The following ME3 variants were observed in gnomAD, a reference collection of about 807,000 sequenced individuals.
The protein encoded by ME3 is NADP-dependent malic enzyme, mitochondrial.
ME3 carries 48 observed loss-of-function variants against 68.9 expected under a neutral mutation model. The observed-to-expected ratio is 0.70, with a 90% CI of 0.55 to 0.89. ME3 has a LOEUF of 0.89. Ranked by LOEUF, ME3 falls within the 40% of genes least tolerant of loss-of-function variation. ME3 has a pLI of 0.00. For missense variants in ME3, 675 were observed against 797.4 expected (o/e 0.85, Z 1.85); for synonymous variants, 320 against 318.8 (o/e 1.00, Z -0.04).
At chr11:86,509,398 TCA>T (rs3045014) in intron 4 of ME3, among the ~76,000 whole-genome samples, 9,313 of 144,580 alleles carry the variant, frequency 0.064, 333 homozygotes, top group African/African-American at 0.096. Flanking sequence ...TACTCCATCA[TCA>T]CACACACACA....
intron 2 of ME3, among the ~76,000 whole-genome samples, chr11:86,577,245 T>C (rs7950878): frequency 0.13 from 19,493 of 152,056 alleles, 1,906 homozygotes; most frequent in African/African-American, 0.27. Context: ...ATTGCACAGA[T>C]AGGGGATCAG....
At chr11:86,598,876 C>T (rs1960066269) in intron 2 of ME3, among the ~76,000 whole-genome samples, 1 of 152,186 alleles carries the variant, frequency 6.6e-6, no homozygotes, top group Non-Finnish European at 1.5e-5. Context: ...TCCAACAGAC[C>T]TGCAGGTGAG....
At chr11:86,639,179 G>C (rs1944521960) in intron 2 of ME3, among the ~76,000 whole-genome samples, 1 of 152,138 alleles carries the variant, frequency 6.6e-6, no homozygotes, top group Admixed American at 6.5e-5. Context: ...TGTTATTATT[G>C]TTGTTTTAAT....
At chr11:86,518,031 G>A (rs1565888849) in intron 4 of ME3, among the ~76,000 whole-genome samples, 3 of 152,110 alleles carry the variant, frequency 2.0e-5, no homozygotes, top group East Asian at 1.9e-4. Flanking sequence ...CTCCAAAAGC[G>A]GTAGCTGATA....
At chr11:86,570,059 G>A (rs1467086899) in intron 2 of ME3, among the ~76,000 whole-genome samples, 1 of 152,190 alleles carries the variant, frequency 6.6e-6, no homozygotes, top group Non-Finnish European at 1.5e-5. Context: ...GCAAACAGGT[G>A]TGCCTGCACT....
intron 7 of ME3, among the ~76,000 whole-genome samples, chr11:86,473,507 T>C (rs1950896081): frequency 6.6e-6 from 1 of 151,858 alleles, no homozygotes; most frequent in South Asian, 2.1e-4. Context: ...ATGGGAGGTA[T>C]ACATATGAGA....
chr11:86,524,290 T>C (rs1317816275), intron 4 of ME3, among the ~76,000 whole-genome samples: 1 of 152,266 alleles, frequency 6.6e-6, no homozygotes, highest in Non-Finnish European at 1.5e-5. Flanking sequence ...CTGAAATTAC[T>C]GTCCCCCTGA....
At chr11:86,558,548 G>A (rs775607687) in intron 3 of ME3, among the ~76,000 whole-genome samples, 29 of 152,084 alleles carry the variant, frequency 1.9e-4, no homozygotes, top group Non-Finnish European at 2.5e-4. Context: ...ATGAGTGCAG[G>A]GTGACCCTGG....
chr11:86,604,464 G>T (rs1430873043), intron 2 of ME3, among the ~76,000 whole-genome samples: 1 of 152,112 alleles, frequency 6.6e-6, no homozygotes, highest in Non-Finnish European at 1.5e-5. Context: ...AGAACAAAAA[G>T]ATTCCCTCCA....
intron 2 of ME3, among the ~76,000 whole-genome samples, chr11:86,582,281 G>A (rs1374977492): frequency 1.3e-5 from 2 of 152,164 alleles, no homozygotes; most frequent in African/African-American, 2.4e-5. Flanking sequence ...TCAGTATAGT[G>A]GATTAGAGGA....
intron 4 of ME3, among the ~76,000 whole-genome samples, chr11:86,524,218 T>C (rs1428995624): frequency 2.0e-5 from 3 of 152,234 alleles, no homozygotes; most frequent in Non-Finnish European, 4.4e-5. Flanking sequence ...TTGTTTGGAA[T>C]GTGTCTCTGT....
At chr11:86,523,580 T>G (rs1338490640) in intron 4 of ME3, among the ~76,000 whole-genome samples, 1 of 152,238 alleles carries the variant, frequency 6.6e-6, no homozygotes, top group Non-Finnish European at 1.5e-5. Context: ...TGAGATTTTA[T>G]TTTTGGCAGA....
chr11:86,666,005 T>A (rs918892565), intron 2 of ME3, among the ~76,000 whole-genome samples: 1 of 152,142 alleles, frequency 6.6e-6, no homozygotes, highest in Non-Finnish European at 1.5e-5. Context: ...GAGAAACAGA[T>A]AAATTTTTAA....
At chr11:86,507,386 G>C (rs1953163411) in intron 5 of ME3, among the ~76,000 whole-genome samples, 1 of 152,164 alleles carries the variant, frequency 6.6e-6, no homozygotes, top group South Asian at 2.1e-4. Context: ...TTCCAGAGTA[G>C]ATGTGTTGGA....
rs1275794994 is a variant in ME3 at position 86,542,303 on chromosome 11, A to C, written c.467+14250T>G. ...AGGGAACAAAACTGGACAGAGCATGACTTTGATTAATTGACAGAAGTAGGC... is the reference window on the plus strand; with the variant it reads ...AGGGAACAAAACTGGACAGAGCATGCCTTTGATTAATTGACAGAAGTAGGC... On this transcript the variant is annotated intron_variant, in intron 4 of 14. Coordinates refer to ENST00000543262, the Ensembl canonical transcript of ME3. Among the ~76,000 whole-genome samples the C allele has an allele frequency of 2.0e-5, 3 of 152,336 alleles. No homozygotes were observed. In the East Asian group the frequency reaches 5.8e-4, roughly 29 times the overall value.
chr11:86,450,189 T>C lies in ME3; in HGVS notation c.1017+112A>G, dbSNP rs1031613198. 7 of 1,104,376 alleles carry C rather than the reference T, an allele frequency of 6.3e-6. No individual in the cohort carries two copies. In the African/African-American group the frequency reaches 7.7e-5, roughly 12 times the overall value. The allele number at this position is 1,104,376 out of a possible 1,614,324, so 68.4% of individuals were successfully genotyped here. On this transcript the variant is annotated intron_variant, in intron 9 of 14. Coordinates refer to ENST00000543262, the Ensembl canonical transcript of ME3. ...AGGCAGCTGCAATGATCACAATATG[T>C]CTGTGCTGCTTCCTCTTTTCAGAAC...
intron 2 of ME3, among the ~76,000 whole-genome samples, chr11:86,574,806 G>T (rs1958003165): frequency 6.6e-6 from 1 of 152,180 alleles, no homozygotes; most frequent in Non-Finnish European, 1.5e-5. Context: ...AAAGGAAGGG[G>T]CGGGAAAGTT....
At chr11:86,444,938 G>A (rs1949199220) in intron 13 of ME3, among the ~76,000 whole-genome samples, 4 of 152,172 alleles carry the variant, frequency 2.6e-5, no homozygotes, top group South Asian at 4.1e-4. Context: ...TCCAGGAGAG[G>A]TTCCTGTGTA....
chr11:86,600,465 A>G (rs1054714388), intron 2 of ME3, among the ~76,000 whole-genome samples: 8 of 151,598 alleles, frequency 5.3e-5, no homozygotes, highest in Non-Finnish European at 1.2e-4. Flanking sequence ...GTCCTGAGTG[A>G]CCTACAAAGA....
Sources: gnomAD v4.1 joint callset for allele counts (sites outside exome capture counted in the v4.1 genomes callset) on GRCh38, gnomAD v4.1.1 for gene constraint, MANE v1.5 for transcripts, NCBI Gene and HGNC (gene_info 2026-07-23, HGNC 2026-07-21) for gene names.